VRK2: variants seen among roughly 807,000 people sequenced by gnomAD.
The protein encoded by VRK2 is serine/threonine-protein kinase VRK2.
VRK2 carries 60 observed loss-of-function variants against 57.6 expected under a neutral mutation model. The ratio of observed to expected loss-of-function variants is 1.04; its 90% confidence interval spans 0.85 to 1.29. The LOEUF is 1.29. Among genes scored for constraint, VRK2 ranks in the 50% most tolerant of loss-of-function variants. The pLI is 0.00. For missense variants in VRK2, 705 were observed against 588.1 expected, an observed-to-expected ratio of 1.20 and a Z score of -2.06; for synonymous variants, 231 against 199.2, an observed-to-expected ratio of 1.16 and a Z score of -1.35.
At chr2:58,046,549 G>A (rs1481366993), upstream of VRK2, 6 of 985,508 alleles carry the variant, frequency 6.1e-6, no homozygotes, top group African/African-American at 1.7e-5. Context: ...GCGGTTCTTC[G>A]TCCAGACGCT....
At chr2:58,069,752 A>G (rs370679850) in intron 2 of VRK2, among the ~76,000 whole-genome samples, 16 of 152,154 alleles carry the variant, frequency 1.1e-4, no homozygotes, top group African/African-American at 3.4e-4. Context: ...AAAAAGAATA[A>G]TGACATTTTC....
chr2:57,913,548 G>A (rs781027543), intron 1 of VRK2, among the ~76,000 whole-genome samples: 3 of 151,984 alleles, frequency 2.0e-5, no homozygotes, highest in Non-Finnish European at 4.4e-5. Flanking sequence ...GCAGTTTTGT[G>A]GCCTAGCTAG....
At chr2:58,121,290 A>G (rs1389956180) in intron 7 of VRK2, among the ~76,000 whole-genome samples, 1 of 152,264 alleles carries the variant, frequency 6.6e-6, no homozygotes, top group Non-Finnish European at 1.5e-5. Context: ...GCTCTTTTTT[A>G]AAATAGTAAA....
chr2:58,089,922 G>A (rs1293161316), intron 7 of VRK2, among the ~76,000 whole-genome samples, 199 bp downstream of exon 7: 1 of 152,074 alleles, frequency 6.6e-6, no homozygotes, highest in East Asian at 1.9e-4. Flanking sequence ...GAGTCAGAGG[G>A]GTTAAATAAT....
chr2:58,071,491 A>G (rs1669352971), intron 2 of VRK2, among the ~76,000 whole-genome samples: 1 of 152,110 alleles, frequency 6.6e-6, no homozygotes, highest in African/African-American at 2.4e-5. Context: ...ATCAGTGTCT[A>G]GATTCACATT....
At chr2:58,118,337 T>G (rs138994068) in intron 7 of VRK2, among the ~76,000 whole-genome samples, 3 of 152,232 alleles carry the variant, frequency 2.0e-5, no homozygotes, top group Admixed American at 1.3e-4. Flanking sequence ...CCTGCAATGA[T>G]TAAACATCAA....
intron 2 of VRK2, among the ~76,000 whole-genome samples, chr2:58,076,816 TTTTG>T (rs1286237248): frequency 6.6e-6 from 1 of 152,076 alleles, no homozygotes; most frequent in East Asian, 1.9e-4. Context: ...ATATCACCTA[TTTTG>T]TTTGTTTTTA....
chr2:57,949,726 G>A (rs1671368746), intron 1 of VRK2, among the ~76,000 whole-genome samples: 1 of 152,306 alleles, frequency 6.6e-6, no homozygotes, highest in African/African-American at 2.4e-5. Flanking sequence ...AGCTAGAAAT[G>A]ATTAAGCTTA....
chr2:57,957,943 T>C (rs897608383), intron 1 of VRK2, among the ~76,000 whole-genome samples: 2 of 152,098 alleles, frequency 1.3e-5, no homozygotes, highest in East Asian at 1.9e-4. Flanking sequence ...AACGAAAGAT[T>C]GAGGCTGTGC....
chr2:58,028,903 A>AATATATATATATATATATATAT (rs58729342), intron 2 of VRK2, among the ~76,000 whole-genome samples: 3 of 54,016 alleles, frequency 5.6e-5, no homozygotes, highest in Non-Finnish European at 7.1e-5. Flanking sequence ...TAAATAAATA[A>AATATATATATATATATATATAT]ATATATATAT....
rs1681030861 is a variant in VRK2, at chr2:58,139,609, A to G, written c.857-57A>G. 3 of 1,459,436 alleles carry G rather than the reference A, an allele frequency of 2.1e-6. No homozygotes were observed. In the South Asian group the frequency reaches 3.7e-5, roughly 18 times the overall value. The allele number at this position is 1,459,436 out of a possible 1,614,324, so 90.4% of individuals were successfully genotyped here. On this transcript the variant is annotated intron_variant, in intron 10 of 12. Transcript: ENST00000340157. ...ATAACAAAGATTTTGAGATTACTGG[A>G]GTCTTGACAATTCTTGCCAATTGTG...
At chr2:58,145,843 A>T (rs115632484) in intron 11 of VRK2, among the ~76,000 whole-genome samples, 3 of 151,770 alleles carry the variant, frequency 2.0e-5, no homozygotes, top group Non-Finnish European at 2.9e-5. Context: ...TCTCTGTTCA[A>T]TTCCCACGTA....
At chr2:58,046,451 G>T (rs1011910787), upstream of VRK2, 1 of 977,670 alleles carries the variant, frequency 1.0e-6, no homozygotes, top group Non-Finnish European at 1.2e-6. Context: ...CCATTTGGAA[G>T]CTCGTAGTAC....
intron 2 of VRK2, among the ~76,000 whole-genome samples, chr2:58,077,089 G>A (rs1440953303): frequency 1.3e-5 from 2 of 151,918 alleles, no homozygotes; most frequent in African/African-American, 2.4e-5. Context: ...GACACAATAT[G>A]TGTAGTTATC....
At chr2:57,944,973 G>C (rs904720889) in intron 1 of VRK2, among the ~76,000 whole-genome samples, 1 of 152,024 alleles carries the variant, frequency 6.6e-6, no homozygotes, top group Non-Finnish European at 1.5e-5. Flanking sequence ...ATTAGACTCC[G>C]TTGTTACAGC....
In VRK2 at chr2:58,139,728, C is replaced by G. The variant is rs1471705503; in HGVS notation, c.919C>G (p.Gln307Glu). The G allele has an allele frequency of 6.2e-7, 1 of 1,613,078 alleles. No individual in the cohort carries two copies. The highest frequency in any genetic ancestry group is 8.5e-7 in the Non-Finnish European group (1 of 1,179,444). ...SLAYDEKPNY[Q>E]ALKKILNPHG... The stretch of plus-strand genomic sequence containing the variant: ...AGCATATGATGAAAAGCCAAACTAT[C>G]AAGCCCTCAAGAAAATTTTGAACCC... The change falls in exon 11 of 13, where the codon CAA becomes GAA. Residue 307 changes from glutamine (Q) to glutamate (E), a missense_variant. Gln to Glu is a conservative substitution (Grantham distance 29). Transcript: ENST00000340157.
At chr2:58,115,798 C>T (rs1384504130) in intron 7 of VRK2, among the ~76,000 whole-genome samples, 2 of 152,198 alleles carry the variant, frequency 1.3e-5, no homozygotes, top group East Asian at 3.9e-4. Flanking sequence ...TGCGGCAGTA[C>T]AGCCCAGGTA....
chr2:57,943,313 A>G (rs141220243), intron 1 of VRK2, among the ~76,000 whole-genome samples: 1 of 152,220 alleles, frequency 6.6e-6, no homozygotes, highest in East Asian at 1.9e-4. Context: ...TTACTTGCCA[A>G]TTTTATGGCA....
chr2:58,105,548 T>G (rs1335244273), intron 7 of VRK2, among the ~76,000 whole-genome samples: 1 of 151,614 alleles, frequency 6.6e-6, no homozygotes, highest in Admixed American at 6.6e-5. Context: ...AAAAATAACA[T>G]GTTTTCTAAA....
Sources: gnomAD v4.1 joint callset for allele counts (sites outside exome capture counted in the v4.1 genomes callset) on GRCh38, gnomAD v4.1.1 for gene constraint, MANE v1.5 for transcripts, NCBI Gene and HGNC (gene_info 2026-07-23, HGNC 2026-07-21) for gene names.